AOX1: variants seen among roughly 807,000 people sequenced by gnomAD.
The protein encoded by AOX1 is aldehyde oxidase.
A neutral mutation model predicts 169.5 loss-of-function variants in AOX1; 153 were observed. That is an observed-to-expected ratio of 0.90 (90% confidence interval 0.79 to 1.03). AOX1 has a LOEUF of 1.03. Among genes scored for constraint, AOX1 ranks in the 50% least tolerant of loss-of-function variants. AOX1 has a pLI of 0.00. For missense variants in AOX1, 1,656 were observed against 1,663.9 expected, an observed-to-expected ratio of 1.00 and a Z score of 0.08; for synonymous variants, 562 against 581.9, an observed-to-expected ratio of 0.97 and a Z score of 0.49.
chr2:200,612,889 A>G, intron 14 of AOX1, 96 bp downstream of exon 14: 2 of 949,926 alleles, frequency 2.1e-6, no homozygotes, highest in Non-Finnish European at 3.1e-6. Flanking sequence ...TACAAGAAGA[A>G]AAGTGTTCCA....
intron 20 of AOX1, among the ~76,000 whole-genome samples, chr2:200,631,414 C>T (rs1389074543): frequency 6.6e-6 from 1 of 152,206 alleles, no homozygotes; most frequent in African/African-American, 2.4e-5. Flanking sequence ...ACCCAGGGAG[C>T]CCTGAAACTG....
chr2:200,594,230 T>A (rs986108126), intron 2 of AOX1, among the ~76,000 whole-genome samples: 8 of 152,146 alleles, frequency 5.3e-5, no homozygotes, highest in Non-Finnish European at 1.0e-4. Flanking sequence ...TCAGAACCAC[T>A]GGGGATGGTT....
Position 200,614,934 on chromosome 2 carries a change from C to T in AOX1, c.1611+968C>T, listed in dbSNP as rs182709588. 9.2e-5 allele frequency among the ~76,000 whole-genome samples: 14 copies of T among 152,168 alleles called. No individual in the cohort carries two copies. The East Asian group carries it at 2.3e-3, about 25-fold the overall frequency. Reference sequence around the variant, plus strand: ...TAATATAATTTCTGGGTGACTCAAGCGATGTAATTTAAAACTTTTGCCTTG... The same window carrying T: ...TAATATAATTTCTGGGTGACTCAAGTGATGTAATTTAAAACTTTTGCCTTG... On this transcript the variant is annotated intron_variant, in intron 15 of 34. Coordinates refer to ENST00000374700, the MANE Select transcript of AOX1 (RefSeq NM_001159.4).
chr2:200,593,568 G>C (rs1056999089), intron 2 of AOX1, among the ~76,000 whole-genome samples: 2 of 152,156 alleles, frequency 1.3e-5, no homozygotes, highest in African/African-American at 4.8e-5. Flanking sequence ...CACCTGAAAT[G>C]AAAGTAAAAG....
At chr2:200,647,333 C>A (rs2035475978) in intron 25 of AOX1, among the ~76,000 whole-genome samples, 1 of 152,166 alleles carries the variant, frequency 6.6e-6, no homozygotes, top group African/African-American at 2.4e-5. Context: ...CTGTATCTTT[C>A]CTTCATATGT....
chr2:200,618,246 A>C (rs149175254), intron 16 of AOX1, among the ~76,000 whole-genome samples: 149 of 152,370 alleles, frequency 9.8e-4, no homozygotes, highest in African/African-American at 3.6e-3. Context: ...ATGAAAAAAC[A>C]AAAACTTAGT....
At chr2:200,612,491 G>A (rs2034659434) in intron 13 of AOX1, 118 bp from the exon 14 acceptor site, 1 of 937,236 alleles carries the variant, frequency 1.1e-6, no homozygotes, top group East Asian at 2.4e-5. Context: ...TGGTGTGTAG[G>A]TGACACTCAA....
chr2:200,637,735 T>A (rs953702531), intron 22 of AOX1, among the ~76,000 whole-genome samples: 1 of 152,194 alleles, frequency 6.6e-6, no homozygotes, highest in Non-Finnish European at 1.5e-5. Context: ...AATTCTCATG[T>A]AAAATTGTCT....
chr2:200,676,417 T>A (rs140654655), downstream of AOX1, among the ~76,000 whole-genome samples: 1 of 152,064 alleles, frequency 6.6e-6, no homozygotes, highest in African/African-American at 2.4e-5. Flanking sequence ...CTGGCTAACA[T>A]GGTGAAACCC....
At chr2:200,640,696 T>C (rs1206159675) in intron 23 of AOX1, among the ~76,000 whole-genome samples, 1 of 152,146 alleles carries the variant, frequency 6.6e-6, no homozygotes, top group Non-Finnish European at 1.5e-5. Context: ...TTTACCACCA[T>C]GGGACTTTGC....
chr2:200,621,056 C>T, intron 17 of AOX1, 64 bp from the exon 18 acceptor site: 1 of 1,532,546 alleles, frequency 6.5e-7, no homozygotes, highest in Non-Finnish European at 8.8e-7. Flanking sequence ...ATCTTATTAT[C>T]CAATTAACCA....
At chr2:200,598,149 G>A (rs1158586780) in intron 4 of AOX1, among the ~76,000 whole-genome samples, 1 of 151,762 alleles carries the variant, frequency 6.6e-6, no homozygotes, top group Admixed American at 6.6e-5. Flanking sequence ...AGGGAGGAAG[G>A]GAGGGAAGGA....
chr2:200,611,488 A>G lies in AOX1; in HGVS notation c.1258A>G (p.Arg420Gly), dbSNP rs2034640877. 2.5e-6 allele frequency: 4 copies of G among 1,602,790 alleles called. No individual in the cohort carries two copies. Among genetic ancestry groups the G allele is most frequent in the Non-Finnish European group, 8.5e-7 (1 of 1,169,750 alleles). Residue 420 changes from arginine (R) to glycine (G), a missense_variant, in exon 13 of 35, where the codon AGG becomes GGG. Coordinates refer to ENST00000374700, the MANE Select transcript of AOX1 (RefSeq NM_001159.4). The part of the protein sequence containing the change: ...ILVSVNIPYS[R>G]KWEFVSAFRQ... ...GGTCTCAGTGAACATCCCCTACTCA[A>G]GGAAGGTGAGAACATCCCACTGTCA...
At chr2:200,663,292 A>G (rs1172112713) in intron 31 of AOX1, among the ~76,000 whole-genome samples, 4 of 152,196 alleles carry the variant, frequency 2.6e-5, no homozygotes, top group South Asian at 2.1e-4. Context: ...CTGACTTTTT[A>G]TGAGAAATGC....
downstream of AOX1, among the ~76,000 whole-genome samples, chr2:200,673,457 TC>T (rs989477849): frequency 6.6e-6 from 1 of 152,194 alleles, no homozygotes; most frequent in African/African-American, 2.4e-5. Context: ...ATCCTGTCAA[TC>T]CCACATCAAA....
At chr2:200,615,860 C>T (rs2034744328) in intron 15 of AOX1, 111 bp from the exon 16 acceptor site, 7 of 745,948 alleles carry the variant, frequency 9.4e-6, no homozygotes, top group African/African-American at 1.7e-5. Flanking sequence ...GCTTAATATA[C>T]GTGAGACTTC....
At chr2:200,638,897 AATATAATGCTC>A in intron 23 of AOX1, among the ~76,000 whole-genome samples, 1 of 36,240 alleles carries the variant, frequency 2.8e-5, no homozygotes, top group African/African-American at 3.5e-4. Context: ...GTAACAGCTC[AATATAATGCTC>A]AATATAATCA....
At chr2:200,672,208 G>A (rs539955299), downstream of AOX1, among the ~76,000 whole-genome samples, 31 of 152,220 alleles carry the variant, frequency 2.0e-4, no homozygotes, top group Non-Finnish European at 4.3e-4. Context: ...AGAATGAGTG[G>A]TGATAATTTT....
At chr2:200,603,143 G>T in intron 6 of AOX1, 124 bp from the exon 7 acceptor site, 1 of 740,630 alleles carries the variant, frequency 1.4e-6, no homozygotes, top group South Asian at 1.8e-5. Context: ...AGTACAAATG[G>T]CTCTCTTTCA....
Sources: gnomAD v4.1 joint callset for allele counts (sites outside exome capture counted in the v4.1 genomes callset) on GRCh38, gnomAD v4.1.1 for gene constraint, MANE v1.5 for transcripts, NCBI Gene and HGNC (gene_info 2026-07-23, HGNC 2026-07-21) for gene names.